The following ARHGAP15 variants were observed in gnomAD, a reference collection of about 807,000 sequenced individuals.
ARHGAP15 encodes the protein Rho GTPase activating protein 15, also known as rho GTPase-activating protein 15.
Under a neutral mutation model 63.7 loss-of-function variants are expected in ARHGAP15, and 51 were observed. The ratio of observed to expected loss-of-function variants is 0.80; its 90% CI spans 0.64 to 1.01. The LOEUF (loss-of-function observed/expected upper bound fraction) is 1.01. Ranked by LOEUF, ARHGAP15 falls within the 50% of genes least tolerant of loss-of-function variation. The probability of loss-of-function intolerance (pLI) is 0.00; values close to 1 mark genes in which losing one functional copy is unlikely to be tolerated. For synonymous variants in ARHGAP15, 191 were observed against 193.8 expected, an observed-to-expected ratio of 0.99 and a Z score of 0.12; for missense variants, 560 against 564.6, an observed-to-expected ratio of 0.99 and a Z score of 0.08.
At chr2:143,597,110 C>CCT (rs1368606790) in intron 11 of ARHGAP15, among the ~76,000 whole-genome samples, 1 of 151,652 alleles carries the variant, frequency 6.6e-6, no homozygotes, top group Non-Finnish European at 1.5e-5. Context: ...CTCAAGCTTC[C>CCT]CATGGTAATA....
chr2:143,180,366 T>C (rs1225874005), intron 2 of ARHGAP15, among the ~76,000 whole-genome samples: 1 of 152,258 alleles, frequency 6.6e-6, no homozygotes, highest in Non-Finnish European at 1.5e-5. Context: ...ATCATGAGAT[T>C]GCAGCAATTT....
intron 3 of ARHGAP15, among the ~76,000 whole-genome samples, chr2:143,207,787 C>A (rs532090792): frequency 1.3e-5 from 2 of 152,104 alleles, no homozygotes; most frequent in Non-Finnish European, 2.9e-5. Context: ...ATCACCCATT[C>A]CCCCAGACAG....
chr2:143,163,609 A>G (rs1690384429), intron 2 of ARHGAP15, among the ~76,000 whole-genome samples: 1 of 152,028 alleles, frequency 6.6e-6, no homozygotes, highest in African/African-American at 2.4e-5. Context: ...CAGAGAAACA[A>G]GTAGACTTCC....
intron 12 of ARHGAP15, among the ~76,000 whole-genome samples, chr2:143,654,564 A>G (rs750536390): frequency 4.6e-5 from 7 of 152,202 alleles, no homozygotes; most frequent in Admixed American, 6.5e-5. Flanking sequence ...AATGCATCAC[A>G]TACTTCCCTA....
At chr2:143,730,370 G>A (rs1233404312) in intron 13 of ARHGAP15, among the ~76,000 whole-genome samples, 1 of 151,510 alleles carries the variant, frequency 6.6e-6, no homozygotes, top group African/African-American at 2.4e-5. Context: ...ACAAAAGGGT[G>A]TTTCCCGTGC....
chr2:143,198,163 G>A (rs11695388), intron 2 of ARHGAP15, among the ~76,000 whole-genome samples: 41,851 of 151,884 alleles, frequency 0.28, 6,647 homozygotes, highest in East Asian at 0.46. Flanking sequence ...ACCTTTTAAG[G>A]TTTGGGTGAG....
intron 1 of ARHGAP15, among the ~76,000 whole-genome samples, chr2:143,153,419 G>C (rs1182907464): frequency 6.6e-6 from 1 of 151,690 alleles, no homozygotes; most frequent in African/African-American, 2.4e-5. Flanking sequence ...TTCTCAATTA[G>C]ATAATTTTGA....
At chr2:143,225,251 T>G (rs74422255) in intron 4 of ARHGAP15, among the ~76,000 whole-genome samples, 4 of 152,080 alleles carry the variant, frequency 2.6e-5, no homozygotes, top group African/African-American at 9.7e-5. Flanking sequence ...GTCTTTCAGT[T>G]ATTCAAAAAA....
At chr2:143,442,274 C>T (rs1056263362) in intron 8 of ARHGAP15, among the ~76,000 whole-genome samples, 1 of 152,202 alleles carries the variant, frequency 6.6e-6, no homozygotes, top group African/African-American at 2.4e-5. Context: ...ACAAGGAAAC[C>T]ATGTACCAAG....
Position 143,133,389 on chromosome 2 carries a change from T to A in ARHGAP15, c.-15+3923T>A, listed in dbSNP as rs1393993056. 2.6e-5 allele frequency among the ~76,000 whole-genome samples: 4 copies of A among 151,868 alleles called. No homozygotes were observed. The East Asian group carries it at 7.7e-4, about 29-fold the overall frequency. On this transcript the variant is annotated intron_variant, in intron 1 of 13. Coordinates refer to ENST00000295095, the MANE Select transcript of ARHGAP15 (RefSeq NM_018460.4). ...GACCTGGATATAAGTAACAGCAGGG[T>A]TTTTGAGCAGGGGAGATACGTAATT...
chr2:143,729,534 C>T (rs977995891), intron 13 of ARHGAP15, among the ~76,000 whole-genome samples: 8 of 152,318 alleles, frequency 5.3e-5, no homozygotes, highest in Non-Finnish European at 1.2e-4. Flanking sequence ...GAAACAGCTA[C>T]TGCTTTTGAT....
At chr2:143,187,900 A>G (rs1691511252) in intron 2 of ARHGAP15, among the ~76,000 whole-genome samples, 1 of 152,206 alleles carries the variant, frequency 6.6e-6, no homozygotes, top group South Asian at 2.1e-4. Flanking sequence ...TTACATTGTA[A>G]TCAATATTTA....
intron 6 of ARHGAP15, among the ~76,000 whole-genome samples, chr2:143,382,711 T>C (rs183543675): frequency 6.6e-6 from 1 of 152,244 alleles, no homozygotes; most frequent in African/African-American, 2.4e-5. Context: ...CCGAAAGAAA[T>C]GTTGACAGCT....
chr2:143,261,900 C>T (rs970202384), intron 6 of ARHGAP15, among the ~76,000 whole-genome samples: 1 of 152,062 alleles, frequency 6.6e-6, no homozygotes, highest in Non-Finnish European at 1.5e-5. Context: ...CAGAATTTTC[C>T]ACCCAAGGAT....
chr2:143,680,850 A>G (rs576429795), intron 12 of ARHGAP15, among the ~76,000 whole-genome samples: 1 of 152,364 alleles, frequency 6.6e-6, no homozygotes, highest in Non-Finnish European at 1.5e-5. Context: ...AAAATCCATG[A>G]CTTCTCAGTT....
At chr2:143,317,260 A>G (rs1016034022) in intron 6 of ARHGAP15, among the ~76,000 whole-genome samples, 1 of 152,240 alleles carries the variant, frequency 6.6e-6, no homozygotes, top group East Asian at 1.9e-4. Context: ...TTATGAGTGA[A>G]TGTTTAATCA....
chr2:143,473,626 G>C (rs181621869), intron 8 of ARHGAP15, among the ~76,000 whole-genome samples: 3 of 152,268 alleles, frequency 2.0e-5, no homozygotes, highest in Admixed American at 2.0e-4. Context: ...TACATCTGTT[G>C]TGTTATTTAA....
intron 12 of ARHGAP15, chr2:143,676,442 T>TTTTG (rs1682828684): frequency 6.6e-6 from 1 of 152,206 alleles, no homozygotes; most frequent in Non-Finnish European, 1.5e-5. Context: ...CTCACTAAGC[T>TTTTG]CAATCCTGTT....
At chr2:143,671,616 T>C (rs548579486) in intron 12 of ARHGAP15, among the ~76,000 whole-genome samples, 1 of 152,178 alleles carries the variant, frequency 6.6e-6, no homozygotes, top group Non-Finnish European at 1.5e-5. Context: ...TTGCATTTAC[T>C]TCAGGAATGA....
Sources: gnomAD v4.1 joint callset for allele counts (sites outside exome capture counted in the v4.1 genomes callset) on GRCh38, gnomAD v4.1.1 for gene constraint, MANE v1.5 for transcripts, NCBI Gene and HGNC (gene_info 2026-07-23, HGNC 2026-07-21) for gene names.